ASIC2: variants seen among roughly 807,000 people sequenced by gnomAD.
ASIC2 encodes the protein acid-sensing ion channel 2.
A neutral mutation model predicts 57.3 loss-of-function variants in ASIC2; 25 were observed. The observed-to-expected ratio is 0.44, with a 90% CI of 0.32 to 0.61. The LOEUF is 0.61. ASIC2 is among the 20% of genes least tolerant of loss of function. The pLI, the probability that ASIC2 is intolerant of heterozygous loss-of-function variation, is 0.06. For synonymous variants in ASIC2, 319 were observed against 307.5 expected (o/e 1.04, Z -0.39); for missense variants, 641 against 738.1 (o/e 0.87, Z 1.52).
chr17:34,060,215 C>T (rs1908921816), intron 1 of ASIC2, among the ~76,000 whole-genome samples: 1 of 152,228 alleles, frequency 6.6e-6, no homozygotes, highest in Non-Finnish European at 1.5e-5. Context: ...CAGGTAGGCT[C>T]ACTGGGTGGC....
At chr17:33,917,618 T>A (rs774161496) in intron 1 of ASIC2, among the ~76,000 whole-genome samples, 1 of 152,226 alleles carries the variant, frequency 6.6e-6, no homozygotes, top group African/African-American at 2.4e-5. Context: ...CTTTAATCTA[T>A]TCTCATGAAT....
At chr17:33,417,428 T>A (rs913514670) in intron 1 of ASIC2, among the ~76,000 whole-genome samples, 10 of 152,202 alleles carry the variant, frequency 6.6e-5, no homozygotes, top group Non-Finnish European at 1.5e-4. Context: ...TGTCTGTAGC[T>A]TCTACCTACC....
At chr17:33,655,035 T>C (rs1907034708) in intron 1 of ASIC2, among the ~76,000 whole-genome samples, 1 of 152,228 alleles carries the variant, frequency 6.6e-6, no homozygotes, top group Non-Finnish European at 1.5e-5. Flanking sequence ...GTGTCTTGAC[T>C]GGCTCTTCTC....
chr17:33,902,628 C>T (rs965312414), intron 1 of ASIC2, among the ~76,000 whole-genome samples: 4 of 152,144 alleles, frequency 2.6e-5, no homozygotes, highest in African/African-American at 9.7e-5. Context: ...CAGGATTGCC[C>T]AGCCTCAGTC....
chr17:34,141,800 CAG>C (rs1196968726), intron 1 of ASIC2, among the ~76,000 whole-genome samples: 3 of 152,196 alleles, frequency 2.0e-5, no homozygotes, highest in Non-Finnish European at 2.9e-5. Flanking sequence ...CTGCCTGAAA[CAG>C]TGTTCTGCAT....
Position 33,846,507 on chromosome 17 carries a change from T to C in ASIC2, c.555+309471A>G, listed in dbSNP as rs147647702. On this transcript the variant is annotated intron_variant, in intron 1 of 9. Coordinates refer to the ASIC2 transcript ENST00000359872. ...GCAGAGTGGGATGGGGGAGGATGCATGAGCTAGCTCTAAATTAAGCAGGTA... is the reference window on the plus strand; with the variant it reads ...GCAGAGTGGGATGGGGGAGGATGCACGAGCTAGCTCTAAATTAAGCAGGTA... Among the ~76,000 whole-genome samples the C allele has an allele frequency of 4.6e-3, 698 of 152,280 alleles. 8 individuals are homozygous for C. The highest frequency in any genetic ancestry group is 0.016 in the African/African-American group (648 of 41,566).
chr17:33,156,509 G>A (rs927591681), intron 1 of ASIC2, among the ~76,000 whole-genome samples: 1 of 152,086 alleles, frequency 6.6e-6, no homozygotes, highest in African/African-American at 2.4e-5. Flanking sequence ...TGTAATCCCA[G>A]CACTTTGGGA....
At chr17:33,652,022 C>G (rs1351186063) in intron 1 of ASIC2, among the ~76,000 whole-genome samples, 2 of 152,136 alleles carry the variant, frequency 1.3e-5, no homozygotes, top group Non-Finnish European at 2.9e-5. Context: ...GTGAGTGCTG[C>G]TGTAACAGAA....
intron 1 of ASIC2, among the ~76,000 whole-genome samples, chr17:33,438,559 C>A (rs1490637226): frequency 6.6e-6 from 1 of 152,022 alleles, no homozygotes; most frequent in Non-Finnish European, 1.5e-5. Context: ...ACACATTGAG[C>A]TACCCATTTG....
At chr17:33,796,067 C>T (rs1221438001) in intron 1 of ASIC2, among the ~76,000 whole-genome samples, 2 of 152,208 alleles carry the variant, frequency 1.3e-5, no homozygotes, top group Admixed American at 6.5e-5. Context: ...AGGGCATTTT[C>T]CACTTAATAG....
chr17:33,675,780 CA>C (rs1424279839), intron 1 of ASIC2, among the ~76,000 whole-genome samples: 5 of 152,148 alleles, frequency 3.3e-5, no homozygotes, highest in Non-Finnish European at 7.3e-5. Context: ...CCATGTTGCC[CA>C]GACTGGTTTC....
At chr17:33,939,737 G>T (rs945003789) in intron 1 of ASIC2, among the ~76,000 whole-genome samples, 2 of 152,226 alleles carry the variant, frequency 1.3e-5, no homozygotes, top group East Asian at 1.9e-4. Flanking sequence ...TGGCAACAAG[G>T]TGTCCATTCA....
chr17:33,946,353 C>T (rs1210891996), intron 1 of ASIC2, among the ~76,000 whole-genome samples: 1 of 152,114 alleles, frequency 6.6e-6, no homozygotes, highest in Non-Finnish European at 1.5e-5. Flanking sequence ...ATCACAGTGC[C>T]CTCTGCTGTA....
At chr17:33,915,945 G>C (rs369021680) in intron 1 of ASIC2, among the ~76,000 whole-genome samples, 2 of 152,276 alleles carry the variant, frequency 1.3e-5, no homozygotes, top group East Asian at 3.9e-4. Flanking sequence ...CCAGCACACT[G>C]TGAGGAAAGC....
intron 3 of ASIC2, among the ~76,000 whole-genome samples, chr17:33,064,469 T>C (rs964872297): frequency 1.4e-4 from 21 of 152,214 alleles, no homozygotes; most frequent in African/African-American, 4.8e-4. Context: ...CCTGTTTGCC[T>C]GGGTTTGTGG....
intron 1 of ASIC2, among the ~76,000 whole-genome samples, chr17:34,025,770 A>G (rs1464153734): frequency 1.1e-4 from 16 of 152,198 alleles, no homozygotes; most frequent in Non-Finnish European, 1.5e-5. Context: ...TTTCCTTATC[A>G]ACAAAAGAGG....
chr17:33,664,644 A>C (rs1907411706), intron 1 of ASIC2, among the ~76,000 whole-genome samples: 1 of 152,172 alleles, frequency 6.6e-6, no homozygotes, highest in Admixed American at 6.5e-5. Context: ...TCCAGAGAAG[A>C]GTGGGAAAAA....
intron 1 of ASIC2, among the ~76,000 whole-genome samples, chr17:33,524,779 C>G (rs1272036575): frequency 1.3e-5 from 2 of 152,126 alleles, no homozygotes; most frequent in Non-Finnish European, 2.9e-5. Context: ...CATTATGTTG[C>G]CCAGACTGGC....
At chr17:33,882,082 T>C (rs1334066478) in intron 1 of ASIC2, among the ~76,000 whole-genome samples, 1 of 152,202 alleles carries the variant, frequency 6.6e-6, no homozygotes, top group Non-Finnish European at 1.5e-5. Context: ...ACTGGATCCC[T>C]TCCTTACACC....
Sources: allele counts gnomAD v4.1 joint callset (sites outside exome capture counted in the v4.1 genomes callset), GRCh38; gene constraint gnomAD v4.1.1; transcripts MANE v1.5; gene names NCBI Gene and HGNC (gene_info 2026-07-23, HGNC 2026-07-21).